KIAA1328: variants seen among roughly 807,000 people sequenced by gnomAD.
KIAA1328 encodes KIAA1328.
Under a neutral mutation model 68.1 loss-of-function variants are expected in KIAA1328, and 52 were observed. That is an observed-to-expected ratio of 0.76 (90% CI 0.61 to 0.96). The LOEUF (loss-of-function observed/expected upper bound fraction) is 0.96. KIAA1328 is among the 40% of genes least tolerant of loss of function. KIAA1328 has a pLI of 0.00. For missense variants in KIAA1328, 641 were observed against 677.6 expected, an observed-to-expected ratio of 0.95 and a Z score of 0.60; for synonymous variants, 232 against 239.4, an observed-to-expected ratio of 0.97 and a Z score of 0.28.
At chr18:36,855,647 A>C (rs943130000) in intron 4 of KIAA1328, among the ~76,000 whole-genome samples, 2 of 149,912 alleles carry the variant, frequency 1.3e-5, no homozygotes, top group African/African-American at 4.9e-5. Context: ...AAAAGTTTTG[A>C]ATTTTGATTA....
intron 9 of KIAA1328, among the ~76,000 whole-genome samples, chr18:37,188,071 A>G (rs1173911774): frequency 6.6e-6 from 1 of 152,208 alleles, no homozygotes; most frequent in Non-Finnish European, 1.5e-5. Context: ...GCTCAAGAGC[A>G]ATTGGCGTTG....
intron 7 of KIAA1328, among the ~76,000 whole-genome samples, chr18:37,108,798 CTTTAAGTTCTA>C (rs1250748909): frequency 2.6e-5 from 4 of 152,066 alleles, no homozygotes; most frequent in Non-Finnish European, 5.9e-5. Context: ...TATTATTATA[CTTTAAGTTCTA>C]GGGTACATGT....
chr18:36,908,399 G>C (rs2151059064), intron 5 of KIAA1328, among the ~76,000 whole-genome samples: 1 of 152,214 alleles, frequency 6.6e-6, no homozygotes, highest in East Asian at 1.9e-4. Flanking sequence ...GGAGTGCAGT[G>C]GCACAATCAT....
At chr18:37,226,715 CTT>C (rs763991741), downstream of KIAA1328, among the ~76,000 whole-genome samples, 20,482 of 128,498 alleles carry the variant, frequency 0.16, 1,399 homozygotes, top group African/African-American at 0.23. Flanking sequence ...GGGTTGTTCC[CTT>C]TTTTTTTTTT....
rs2059247754 is a variant in KIAA1328, at chr18:37,160,198, A to G, written c.1233-2A>G. Reference sequence around the variant, plus strand: ...ACAGTTCATTCATCGTTGTTCTTTCAGTTTATTGAAGTCAAACTGTGATGG... The same window carrying G: ...ACAGTTCATTCATCGTTGTTCTTTCGGTTTATTGAAGTCAAACTGTGATGG... On this transcript the variant is annotated splice_acceptor_variant, in intron 7 of 9. Coordinates refer to ENST00000280020, the MANE Select transcript of KIAA1328 (RefSeq NM_020776.3). LOFTEE classifies it high-confidence loss of function. 2 of 1,608,924 alleles carry G rather than the reference A, an allele frequency of 1.2e-6. No homozygotes were observed. The highest frequency in any genetic ancestry group is 1.7e-6 in the Non-Finnish European group (2 of 1,177,516).
In KIAA1328 at chr18:37,218,802, A is replaced by T. The variant is rs145469898; in HGVS notation, c.1524-3215A>T. ...GAATTTTGTTATTTCCAACCTTCTG[A>T]AGCCTACTTCTGTCAACTTGTCAAA... On this transcript the variant is annotated intron_variant, in intron 9 of 9. Coordinates refer to ENST00000280020, the MANE Select transcript of KIAA1328 (RefSeq NM_020776.3). Among the ~76,000 whole-genome samples the T allele has an allele frequency of 2.6e-4, 39 of 152,314 alleles. No individual in the cohort carries two copies. In the East Asian group the frequency reaches 6.2e-3, roughly 24 times the overall value.
intron 5 of KIAA1328, among the ~76,000 whole-genome samples, chr18:36,897,383 A>G (rs994358012): frequency 3.3e-5 from 5 of 152,102 alleles, no homozygotes; most frequent in Non-Finnish European, 5.9e-5. Flanking sequence ...TCAGTTTTTC[A>G]AATAGTTGTT....
intron 6 of KIAA1328, among the ~76,000 whole-genome samples, chr18:37,049,201 CACTT>C (rs2055595138): frequency 1.3e-5 from 2 of 152,102 alleles, no homozygotes; most frequent in Non-Finnish European, 2.9e-5. Flanking sequence ...AAACAGCTAA[CACTT>C]AACTGTCATG....
rs537249081 is a variant in KIAA1328, at chr18:37,025,758, A to G, written c.577-41132A>G. Among the ~76,000 whole-genome samples the G allele has an allele frequency of 3.3e-5, 5 of 152,338 alleles. No individual in the cohort carries two copies. The South Asian group carries it at 8.3e-4, about 25-fold the overall frequency. ...GGGAAATTTATAGCACTAAATGCCC[A>G]CAAGAGAAAGCAGGAAAGATCTAAA... On this transcript the variant is annotated intron_variant, in intron 6 of 9. Coordinates refer to ENST00000280020, the MANE Select transcript of KIAA1328 (RefSeq NM_020776.3).
intron 9 of KIAA1328, among the ~76,000 whole-genome samples, chr18:37,189,343 G>GA (rs770392996): frequency 6.6e-6 from 1 of 151,766 alleles, no homozygotes; most frequent in East Asian, 1.9e-4. Context: ...AACATGGTGG[G>GA]AAAAAAAGTC....
chr18:37,049,686 A>G (rs1024344781), intron 6 of KIAA1328, among the ~76,000 whole-genome samples: 4 of 152,122 alleles, frequency 2.6e-5, no homozygotes, highest in Non-Finnish European at 4.4e-5. Flanking sequence ...CCACCTACAC[A>G]AGGAAGAAAT....
intron 5 of KIAA1328, among the ~76,000 whole-genome samples, chr18:36,953,995 C>CTTTT (rs71168249): frequency 0.58 from 65,522 of 112,486 alleles, 21,831 homozygotes; most frequent in East Asian, 0.82. Context: ...CTGATTGTTT[C>CTTTT]TTTTTTTTTT....
At chr18:36,888,436 T>C (rs2048573480) in intron 5 of KIAA1328, among the ~76,000 whole-genome samples, 1 of 152,238 alleles carries the variant, frequency 6.6e-6, no homozygotes, top group South Asian at 2.1e-4. Context: ...TCATGTGGCA[T>C]AGTCAGACTT....
intron 6 of KIAA1328, among the ~76,000 whole-genome samples, chr18:36,999,693 G>A (rs976218274): frequency 5.9e-5 from 9 of 152,000 alleles, no homozygotes; most frequent in African/African-American, 2.2e-4. Context: ...TCCTCATAAA[G>A]GAAGGATAAA....
chr18:37,222,196 A>G lies in KIAA1328; in HGVS notation c.1703A>G (p.Asn568Ser), dbSNP rs755731488. 5 of 1,585,728 alleles carry G rather than the reference A, an allele frequency of 3.2e-6. No individual in the cohort carries two copies. In the South Asian group the frequency reaches 5.7e-5, roughly 18 times the overall value. ...AGAACCCCTGAAGAGTTGGAGGAGAATCAGATTCTGGAAGATATATTTTTC... is the reference window on the plus strand; with the variant it reads ...AGAACCCCTGAAGAGTTGGAGGAGAGTCAGATTCTGGAAGATATATTTTTC... ...MHRTPEELEENQILEDIFFI is the reference protein window; with the variant it reads ...MHRTPEELEESQILEDIFFI The change falls in exon 10 of 10, where the codon AAT becomes AGT. Residue 568 changes from asparagine to serine, a missense_variant. Asn to Ser is a conservative substitution (Grantham distance 46). Transcript: ENST00000280020.
chr18:36,906,299 A>G (rs564789969), intron 5 of KIAA1328, among the ~76,000 whole-genome samples: 33 of 152,176 alleles, frequency 2.2e-4, no homozygotes, highest in Non-Finnish European at 4.4e-4. Flanking sequence ...AGTATCATAC[A>G]GAACTAATCT....
chr18:36,941,054 T>G (rs116491683), intron 5 of KIAA1328, among the ~76,000 whole-genome samples: 77 of 152,268 alleles, frequency 5.1e-4, no homozygotes, highest in African/African-American at 1.9e-3. Context: ...AATCATCCCA[T>G]TTTTTGAGTC....
At chr18:36,958,996 G>GT (rs1241645513) in intron 5 of KIAA1328, among the ~76,000 whole-genome samples, 1 of 151,234 alleles carries the variant, frequency 6.6e-6, no homozygotes, top group Non-Finnish European at 1.5e-5. Context: ...AGCTTGTTTT[G>GT]TTTTTTTAAT....
intron 7 of KIAA1328, 74 bp downstream of exon 7, chr18:37,067,619 G>T: frequency 7.2e-7 from 1 of 1,395,570 alleles, no homozygotes; most frequent in Non-Finnish European, 9.4e-7. Context: ...GGAGTGTAGT[G>T]GCACAATCTC....
Sources: allele counts gnomAD v4.1 joint callset (sites outside exome capture counted in the v4.1 genomes callset), GRCh38; gene constraint gnomAD v4.1.1; transcripts MANE v1.5; gene names NCBI Gene and HGNC (gene_info 2026-07-23, HGNC 2026-07-21).